MELK: variants seen among roughly 807,000 people sequenced by gnomAD.
The protein encoded by MELK is maternal embryonic leucine zipper kinase, also known as pEg3 kinase.
In MELK, 81 loss-of-function variants were observed where a neutral mutation model predicts 85.0. The observed-to-expected ratio is 0.95, with a 90% CI of 0.80 to 1.15. The LOEUF (loss-of-function observed/expected upper bound fraction) is 1.15, where lower values mean the gene tolerates loss of function less well. Ranked by LOEUF, MELK falls within the 50% of genes most tolerant of loss-of-function variation. The pLI, the probability that MELK is intolerant of heterozygous loss-of-function variation, is 0.00. For synonymous variants in MELK, 252 were observed against 265.0 expected (o/e 0.95, Z 0.48); for missense variants, 754 against 777.5 (o/e 0.97, Z 0.36).
At chr9:36,670,959 C>T in intron 15 of MELK, 39 bp from the exon 16 acceptor site, 2 of 1,570,146 alleles carry the variant, frequency 1.3e-6, no homozygotes, top group South Asian at 1.2e-5. Flanking sequence ...AGGCCGGAGG[C>T]CCAGCTCTAC....
intron 12 of MELK, among the ~76,000 whole-genome samples, chr9:36,656,102 G>A (rs1057399134): frequency 3.3e-5 from 5 of 152,156 alleles, no homozygotes; most frequent in Non-Finnish European, 7.4e-5. Context: ...AGAGGAGGAA[G>A]AATGAAAGAA....
chr9:36,629,843 G>GTTTTTTTTTTTTTTTTTTTTTT (rs11298711), intron 8 of MELK, among the ~76,000 whole-genome samples: 1 of 111,484 alleles, frequency 9.0e-6, no homozygotes. Flanking sequence ...GCAAGAAATT[G>GTTTTTTTTTTTTTTTTTTTTTT]TTTTTTTTTT....
At chr9:36,664,782 A>G (rs1012113758) in intron 13 of MELK, among the ~76,000 whole-genome samples, 1 of 152,186 alleles carries the variant, frequency 6.6e-6, no homozygotes, top group Non-Finnish European at 1.5e-5. Flanking sequence ...AACACATGCT[A>G]TAGGTTATCA....
rs142556425 is a variant in MELK, at chr9:36,642,519, C to T, written c.835-478C>T. On this transcript the variant is annotated intron_variant, in intron 10 of 17. Coordinates refer to ENST00000298048, the MANE Select transcript of MELK (RefSeq NM_014791.4). Reference sequence around the variant, plus strand: ...TGTCAGCTCACTGCAGCCTCCGCCTCCTGGGTTCAAGTGATTCTTGTGCCA... The same window carrying T: ...TGTCAGCTCACTGCAGCCTCCGCCTTCTGGGTTCAAGTGATTCTTGTGCCA... Among the ~76,000 whole-genome samples, 1,369 of 149,790 alleles carry T rather than the reference C, an allele frequency of 9.1e-3. 24 individuals carry two copies. The highest frequency in any genetic ancestry group is 0.03 in the African/African-American group (1,219 of 40,596).
At chr9:36,650,186 A>G (rs908214307) in intron 11 of MELK, among the ~76,000 whole-genome samples, 1 of 151,194 alleles carries the variant, frequency 6.6e-6, no homozygotes, top group African/African-American at 2.4e-5. Flanking sequence ...CTCGTGATCC[A>G]CCCGCCTCGG....
At chr9:36,574,430 C>CAAAAA (rs78915626) in intron 1 of MELK, among the ~76,000 whole-genome samples, 6 of 79,928 alleles carry the variant, frequency 7.5e-5, no homozygotes, top group East Asian at 4.3e-4. Flanking sequence ...ACTAAAAATA[C>CAAAAA]AAAAAAAAAA....
chr9:36,639,674 A>G (rs1256113491), intron 10 of MELK, among the ~76,000 whole-genome samples: 1 of 152,136 alleles, frequency 6.6e-6, no homozygotes, highest in Non-Finnish European at 1.5e-5. Flanking sequence ...GCTTGAGATT[A>G]ATCATGTTTT....
intron 15 of MELK, among the ~76,000 whole-genome samples, chr9:36,670,648 A>G (rs934946925): frequency 6.6e-6 from 1 of 151,848 alleles, no homozygotes; most frequent in African/African-American, 2.4e-5. Context: ...CCAAATAGAA[A>G]GCAAATGTGG....
intron 4 of MELK, among the ~76,000 whole-genome samples, chr9:36,593,152 A>G (rs1310609940): frequency 6.8e-6 from 1 of 147,690 alleles, no homozygotes; most frequent in South Asian, 2.2e-4. Flanking sequence ...ACATTGTTTC[A>G]TATCAGTTTG....
intron 11 of MELK, among the ~76,000 whole-genome samples, chr9:36,650,025 G>A (rs1325791412): frequency 2.0e-5 from 3 of 151,930 alleles, no homozygotes; most frequent in Non-Finnish European, 4.4e-5. Flanking sequence ...CTCACTGCAA[G>A]CTCTGTCTCC....
rs34436735 is a variant in MELK, at chr9:36,654,349, CTTTTTTTTTT to C, written c.1053+2487_1053+2496del. Among the ~76,000 whole-genome samples the C allele has an allele frequency of 8.2e-4, 69 of 84,152 alleles. No individual in the cohort carries two copies. In the East Asian group the frequency reaches 0.018, roughly 22 times the overall value. The allele number at this position is 84,152 out of a possible 152,430, so 55.2% of individuals were successfully genotyped here. A position where few individuals can be genotyped will look rare whatever the true frequency, so the allele number is the denominator to read the frequency against. ...ACATTTTCCTGAGACATTGGATTGT[CTTTTTTTTTT>C]TTTTTTTTTTTTTTGAGACAGAGTC... On this transcript the variant is annotated intron_variant, in intron 12 of 17. Coordinates refer to ENST00000298048, the MANE Select transcript of MELK (RefSeq NM_014791.4).
At chr9:36,644,809 G>C (rs1457787875) in intron 11 of MELK, among the ~76,000 whole-genome samples, 3 of 152,170 alleles carry the variant, frequency 2.0e-5, no homozygotes, top group African/African-American at 7.2e-5. Flanking sequence ...TCATCATTCA[G>C]TTCCAATAGT....
rs76353945 is a variant in MELK, at chr9:36,646,434, C to A, written c.921+3351C>A. On this transcript the variant is annotated intron_variant, in intron 11 of 17. Coordinates refer to ENST00000298048, the MANE Select transcript of MELK (RefSeq NM_014791.4). ...AGAAACAATATTACTCTCAAACATT[C>A]AACTTATAAGAACTCCCACTTTTAT... 6.0e-3 allele frequency among the ~76,000 whole-genome samples: 921 copies of A among 152,294 alleles called. 12 individuals carry two copies. The highest frequency in any genetic ancestry group is 0.021 in the African/African-American group (856 of 41,556).
intron 3 of MELK, among the ~76,000 whole-genome samples, chr9:36,585,970 G>A (rs1822853122): frequency 6.6e-6 from 1 of 152,000 alleles, no homozygotes; most frequent in Non-Finnish European, 1.5e-5. Context: ...TTTATTGTTG[G>A]AATGAGATAG....
intron 16 of MELK, among the ~76,000 whole-genome samples, chr9:36,674,623 G>T (rs1385508193): frequency 1.3e-5 from 2 of 152,196 alleles, no homozygotes; most frequent in African/African-American, 4.8e-5. Flanking sequence ...GAAGCTATGG[G>T]TGTGTTTACT....
intron 10 of MELK, among the ~76,000 whole-genome samples, chr9:36,640,462 A>G (rs189006662): frequency 4.6e-4 from 70 of 151,956 alleles, no homozygotes; most frequent in Non-Finnish European, 6.6e-4. Context: ...TTTCTTTTTT[A>G]AAGAGATAGG....
chr9:36,603,452 G>A (rs544133995), intron 7 of MELK, among the ~76,000 whole-genome samples: 5 of 149,202 alleles, frequency 3.4e-5, no homozygotes, highest in African/African-American at 1.2e-4. Flanking sequence ...TTTTTTTTGA[G>A]ACAGGGTGTC....
chr9:36,621,148 T>G (rs1827369766), intron 8 of MELK, among the ~76,000 whole-genome samples: 1 of 151,216 alleles, frequency 6.6e-6, no homozygotes, highest in South Asian at 2.1e-4. Context: ...GGTGCATGCC[T>G]GTAATCCTAG....
rs11298711 is a variant in MELK, at chr9:36,629,843, G to GTT, written c.667-438_667-437dup. On this transcript the variant is annotated intron_variant, in intron 8 of 17. Coordinates refer to ENST00000298048, the MANE Select transcript of MELK (RefSeq NM_014791.4). ...GATTTTTTCTTTAAGGCAAGAAATT[G>GTT]TTTTTTTTTTTTTTTTTTTGTGATG... Among the ~76,000 whole-genome samples the GTT allele has an allele frequency of 4.5e-3, 502 of 111,468 alleles. 11 individuals are homozygous for GTT. The highest frequency in any genetic ancestry group is 0.015 in the Middle Eastern group (3 of 194). The allele number at this position is 111,468 out of a possible 152,430, so 73.1% of individuals were successfully genotyped here.
Sources: gnomAD v4.1 joint callset for allele counts (sites outside exome capture counted in the v4.1 genomes callset) on GRCh38, gnomAD v4.1.1 for gene constraint, MANE v1.5 for transcripts, NCBI Gene and HGNC (gene_info 2026-07-23, HGNC 2026-07-21) for gene names.